Variants in ITFG1 observed in about 807,000 individuals in gnomAD.
ITFG1 encodes T-cell immunomodulatory protein.
A neutral mutation model predicts 81.8 loss-of-function variants in ITFG1; 34 were observed. The ratio of observed to expected loss-of-function variants is 0.42; its 90% CI spans 0.32 to 0.55. ITFG1 has a LOEUF of 0.55. Ranked by LOEUF, ITFG1 falls within the 20% of genes least tolerant of loss-of-function variation. ITFG1 has a pLI of 0.17. For synonymous variants in ITFG1, 285 were observed against 270.6 expected, an observed-to-expected ratio of 1.05 and a Z score of -0.52; for missense variants, 672 against 755.4, an observed-to-expected ratio of 0.89 and a Z score of 1.29.
intron 6 of ITFG1, among the ~76,000 whole-genome samples, chr16:47,397,697 C>T (rs1596956803): frequency 6.6e-6 from 1 of 152,054 alleles, no homozygotes; most frequent in South Asian, 2.1e-4. Context: ...AACAGTACCA[C>T]GATTAAGAAA....
chr16:47,263,352 T>G, intron 10 of ITFG1: 1 of 479,286 alleles, frequency 2.1e-6, no homozygotes, highest in Non-Finnish European at 4.3e-6. Context: ...GCCCATGAGG[T>G]AAGCTACCAA....
At chr16:47,459,075 T>C in intron 2 of ITFG1, 28 bp downstream of exon 2, 1 of 1,334,242 alleles carries the variant, frequency 7.5e-7, no homozygotes, top group South Asian at 1.2e-5. Context: ...GACTAAAGTT[T>C]TATCAAAATA....
chr16:47,444,834 A>T (rs916455469), intron 5 of ITFG1, among the ~76,000 whole-genome samples: 1 of 152,148 alleles, frequency 6.6e-6, no homozygotes, highest in African/African-American at 2.4e-5. Context: ...CCAATTAATG[A>T]TCTGTCCTGG....
At chr16:47,430,309 ACC>A (rs1402249951) in intron 5 of ITFG1, among the ~76,000 whole-genome samples, 2 of 151,008 alleles carry the variant, frequency 1.3e-5, no homozygotes, top group African/African-American at 4.9e-5. Context: ...CAGGCAGTTC[ACC>A]CGCCTCGGCC....
chr16:47,337,548 TGACA>T (rs1477653824), intron 8 of ITFG1, among the ~76,000 whole-genome samples: 1 of 152,126 alleles, frequency 6.6e-6, no homozygotes, highest in Non-Finnish European at 1.5e-5. Context: ...CCAGCCTGGG[TGACA>T]GAGTGAGACT....
chr16:47,293,211 ATGATATATAAATG>A (rs1002747121), intron 10 of ITFG1, among the ~76,000 whole-genome samples: 5 of 143,706 alleles, frequency 3.5e-5, no homozygotes, highest in Admixed American at 2.7e-4. Flanking sequence ...ATATATAAAT[ATGATATATAAATG>A]TGATATATAT....
At chr16:47,458,231 A>C (rs1969477980) in intron 2 of ITFG1, among the ~76,000 whole-genome samples, 1 of 152,140 alleles carries the variant, frequency 6.6e-6, no homozygotes, top group Non-Finnish European at 1.5e-5. Flanking sequence ...TGCCCTTCTT[A>C]TCTCATGTTC....
chr16:47,372,549 G>A (rs1445476631), intron 7 of ITFG1, among the ~76,000 whole-genome samples: 1 of 151,704 alleles, frequency 6.6e-6, no homozygotes, highest in Non-Finnish European at 1.5e-5. Flanking sequence ...TGCCTCCTGG[G>A]TTCAAGCGAT....
At chr16:47,429,048 G>A in intron 5 of ITFG1, 150 bp from the exon 6 acceptor site, 1 of 593,920 alleles carries the variant, frequency 1.7e-6, no homozygotes, top group Non-Finnish European at 2.9e-6. Flanking sequence ...TGCAGTGAGT[G>A]GTTTTTAGTA....
At position 47,260,626 on chromosome 16, in the gene ITFG1, C is replaced by T. The variant is rs1966198104; in HGVS notation, c.1140G>A (p.Met380Ile). 1 of 1,614,060 alleles carries T rather than the reference C, an allele frequency of 6.2e-7. No individual in the cohort carries two copies. The highest frequency in any genetic ancestry group is 8.5e-7 in the Non-Finnish European group (1 of 1,180,034). Residue 380 changes from methionine to isoleucine, a missense_variant, in exon 11 of 18, where the codon ATG (methionine) becomes ATA (isoleucine). Transcript: ENST00000320640. ...NNASCEEARR[M>I]FKVYWELTDL... is the part of the protein sequence containing the mutation. ...CTGTCAGCTCCCAGTAGACTTTAAA[C>T]ATTCGACGCGCCTCTTCACAGCTTG...
chr16:47,379,641 C>T (rs1038009567), intron 6 of ITFG1, among the ~76,000 whole-genome samples: 4 of 150,184 alleles, frequency 2.7e-5, no homozygotes, highest in African/African-American at 4.9e-5. Flanking sequence ...GCCGAGATGG[C>T]GCCACTGTAC....
chr16:47,383,149 ACT>A (rs1414183355), intron 6 of ITFG1, among the ~76,000 whole-genome samples: 1 of 151,998 alleles, frequency 6.6e-6, no homozygotes, highest in Non-Finnish European at 1.5e-5. Flanking sequence ...CAAACATAAG[ACT>A]CTCCCCTTTC....
intron 13 of ITFG1, among the ~76,000 whole-genome samples, chr16:47,234,176 T>C (rs974209962): frequency 1.3e-5 from 2 of 152,210 alleles, no homozygotes; most frequent in African/African-American, 2.4e-5. Context: ...ACAAGACTTA[T>C]ATATAGCAGG....
At chr16:47,215,235 G>A (rs1965611262) in intron 14 of ITFG1, among the ~76,000 whole-genome samples, 1 of 152,090 alleles carries the variant, frequency 6.6e-6, no homozygotes, top group Non-Finnish European at 1.5e-5. Flanking sequence ...GGGATGGAAG[G>A]TACGGTTTAG....
intron 14 of ITFG1, among the ~76,000 whole-genome samples, chr16:47,201,676 G>A (rs1044770709): frequency 6.6e-6 from 1 of 152,096 alleles, no homozygotes; most frequent in Non-Finnish European, 1.5e-5. Flanking sequence ...CTTCAATCAA[G>A]TTCTCAGCAA....
intron 6 of ITFG1, among the ~76,000 whole-genome samples, chr16:47,411,680 A>T (rs553040467): frequency 3.3e-5 from 5 of 152,146 alleles, no homozygotes; most frequent in Non-Finnish European, 7.4e-5. Context: ...CACTAAGGAA[A>T]GGGGAGGTAC....
At chr16:47,375,758 A>T in intron 7 of ITFG1, 118 bp downstream of exon 7, 1 of 724,440 alleles carries the variant, frequency 1.4e-6, no homozygotes, top group Non-Finnish European at 2.5e-6. Context: ...AAAGGCTCTT[A>T]AAGTTTTCTA....
chr16:47,171,109 G>T (rs1330655894), intron 14 of ITFG1, among the ~76,000 whole-genome samples: 2 of 143,032 alleles, frequency 1.4e-5, no homozygotes, highest in African/African-American at 5.3e-5. Context: ...ATGGCTCACT[G>T]CAGCCTTGAA....
At chr16:47,345,319 T>C in intron 8 of ITFG1, among the ~76,000 whole-genome samples, 1 of 152,030 alleles carries the variant, frequency 6.6e-6, no homozygotes, top group Non-Finnish European at 1.5e-5. Context: ...TTGTTTTTTT[T>C]AGACAGAGTC....
Sources: allele counts gnomAD v4.1 joint callset (sites outside exome capture counted in the v4.1 genomes callset), GRCh38; gene constraint gnomAD v4.1.1; transcripts MANE v1.5; gene names NCBI Gene and HGNC (gene_info 2026-07-23, HGNC 2026-07-21).